The following CYTH3 variants were observed in gnomAD, a reference collection of about 807,000 sequenced individuals.
CYTH3 encodes cytohesin 3, also known as cytohesin-3.
In CYTH3, 23 loss-of-function variants were observed where a neutral mutation model predicts 55.1. That is an observed-to-expected ratio of 0.42 (90% CI 0.30 to 0.59). The LOEUF (loss-of-function observed/expected upper bound fraction) is 0.59, where lower values mean the gene tolerates loss of function less well. Among genes scored for constraint, CYTH3 ranks in the 20% least tolerant of loss-of-function variants. The pLI is 0.20. For missense variants in CYTH3, 413 were observed against 524.8 expected, an observed-to-expected ratio of 0.79 and a Z score of 2.08; for synonymous variants, 249 against 194.9, an observed-to-expected ratio of 1.28 and a Z score of -2.31.
chr7:6,211,464 A>T (rs900445052), intron 1 of CYTH3, among the ~76,000 whole-genome samples: 5 of 152,144 alleles, frequency 3.3e-5, no homozygotes, highest in Non-Finnish European at 7.3e-5. Context: ...TTCTCATTTC[A>T]AAAACTTTAA....
intron 5 of CYTH3, among the ~76,000 whole-genome samples, chr7:6,177,455 C>A (rs986568769): frequency 1.3e-5 from 2 of 152,182 alleles, no homozygotes; most frequent in Non-Finnish European, 2.9e-5. Flanking sequence ...CTGCAAGTAA[C>A]AGGAGAAAGA....
At chr7:6,199,919 T>G (rs973359772) in intron 1 of CYTH3, among the ~76,000 whole-genome samples, 2 of 152,188 alleles carry the variant, frequency 1.3e-5, no homozygotes, top group African/African-American at 4.8e-5. Flanking sequence ...CATTTGATGG[T>G]AGACTGAGAA....
intron 5 of CYTH3, among the ~76,000 whole-genome samples, chr7:6,176,075 C>A (rs1433056516): frequency 6.6e-6 from 1 of 151,836 alleles, no homozygotes; most frequent in Non-Finnish European, 1.5e-5. Flanking sequence ...GGATGCTTTT[C>A]CATTTATTTA....
chr7:6,270,140 T>C (rs1780614097), intron 1 of CYTH3, among the ~76,000 whole-genome samples: 1 of 152,238 alleles, frequency 6.6e-6, no homozygotes, highest in African/African-American at 2.4e-5. Flanking sequence ...TAAAGAGGTA[T>C]GTTAACTTCA....
chr7:6,164,787 G>A lies in CYTH3; in HGVS notation c.*157C>T, dbSNP rs899759741. The A allele has an allele frequency of 2.9e-5, 23 of 799,564 alleles. No homozygotes were observed. Among genetic ancestry groups the A allele is most frequent in the Non-Finnish European group, 4.6e-5 (22 of 480,002 alleles). The allele number at this position is 799,564 out of a possible 1,614,324, so 49.5% of individuals were successfully genotyped here. A position where few individuals can be genotyped will look rare whatever the true frequency, so the allele number is the denominator to read the frequency against. ...CCTCCCAGGACCCCAGCCACGGCAC[G>A]AGGCCTTGGGGATACCACCTGGGCC... On this transcript the variant is annotated 3_prime_UTR_variant, in exon 13 of 13. Coordinates refer to ENST00000350796, the MANE Select transcript of CYTH3 (RefSeq NM_004227.4).
chr7:6,184,123 G>A (rs1783577511), intron 4 of CYTH3, among the ~76,000 whole-genome samples: 1 of 134,290 alleles, frequency 7.4e-6, no homozygotes, highest in African/African-American at 3.0e-5. Flanking sequence ...TGCAGGGGCG[G>A]AATCTCGGCT....
chr7:6,195,307 G>C (rs893839937), intron 1 of CYTH3, among the ~76,000 whole-genome samples: 1 of 152,160 alleles, frequency 6.6e-6, no homozygotes, highest in East Asian at 1.9e-4. Flanking sequence ...ATTTTCTTCA[G>C]GTCTTTCTTA....
chr7:6,168,081 G>A (rs1440807287), intron 9 of CYTH3, among the ~76,000 whole-genome samples: 3 of 152,186 alleles, frequency 2.0e-5, no homozygotes, highest in East Asian at 3.8e-4. Flanking sequence ...CCTGGCTTCT[G>A]GAACCTGCAG....
intron 1 of CYTH3, 64 bp downstream of exon 1, chr7:6,272,410 G>GGGGGGGGGGCCCCC: frequency 4.1e-6 from 5 of 1,216,608 alleles, no homozygotes; most frequent in Non-Finnish European, 5.3e-6. Flanking sequence ...CCGCGCCCTC[G>GGGGGGGGGGCCCCC]ACCCCCAGCC....
chr7:6,198,251 T>C (rs769523631), intron 1 of CYTH3, among the ~76,000 whole-genome samples: 1 of 152,210 alleles, frequency 6.6e-6, no homozygotes, highest in Non-Finnish European at 1.5e-5. Context: ...CATAGGAGTA[T>C]GTGATAAAGT....
chr7:6,259,830 ATATTTTTTT>A (rs1382036855), intron 1 of CYTH3, among the ~76,000 whole-genome samples: 1 of 20,262 alleles, frequency 4.9e-5, no homozygotes, highest in African/African-American at 4.0e-4. Flanking sequence ...ATATATATAT[ATATTTTTTT>A]TTTTTTTTAA....
intron 1 of CYTH3, among the ~76,000 whole-genome samples, chr7:6,216,232 T>C (rs7800777): frequency 0.012 from 1,812 of 152,108 alleles, 21 homozygotes; most frequent in Non-Finnish European, 0.017. Context: ...TCAATATATA[T>C]GGAAGAAATA....
At chr7:6,211,295 G>A (rs1784314036) in intron 1 of CYTH3, among the ~76,000 whole-genome samples, 2 of 152,218 alleles carry the variant, frequency 1.3e-5, no homozygotes, top group South Asian at 4.1e-4. Flanking sequence ...TATCAGACAT[G>A]GCTGTTGTAT....
At chr7:6,222,690 T>C (rs1333065850) in intron 1 of CYTH3, among the ~76,000 whole-genome samples, 1 of 148,966 alleles carries the variant, frequency 6.7e-6, no homozygotes, top group Non-Finnish European at 1.5e-5. Flanking sequence ...GAGGTTGCGG[T>C]GAGCTGAGAT....
chr7:6,165,409 T>C lies in CYTH3; in HGVS notation c.991A>G (p.Asn331Asp), dbSNP rs1782966605. ...PRKPNCFELYNPSHKGQVIKA... is the reference protein window; with the variant it reads ...PRKPNCFELYDPSHKGQVIKA... Reference sequence around the variant, plus strand: ...ATGACCTGCCCTTTGTGGCTGGGATTGTAGAGCTCAAAACAGTTCTGGTGG... The same window carrying C: ...ATGACCTGCCCTTTGTGGCTGGGATCGTAGAGCTCAAAACAGTTCTGGTGG... The change falls in exon 12 of 13, where the codon AAT becomes GAT. Residue 331 changes from asparagine (N) to aspartate (D), a missense_variant. Transcript: ENST00000350796. 1 of 1,613,612 alleles carries C rather than the reference T, an allele frequency of 6.2e-7. No homozygotes were observed. The highest frequency in any genetic ancestry group is 8.5e-7 in the Non-Finnish European group (1 of 1,179,840).
intron 1 of CYTH3, among the ~76,000 whole-genome samples, chr7:6,206,023 T>C (rs1784180035): frequency 6.9e-6 from 1 of 145,444 alleles, no homozygotes; most frequent in Non-Finnish European, 1.5e-5. Context: ...ATTATTAAAA[T>C]AAAATCAAGT....
chr7:6,253,215 A>C (rs1033531515), intron 1 of CYTH3, among the ~76,000 whole-genome samples: 3 of 142,340 alleles, frequency 2.1e-5, no homozygotes, highest in Non-Finnish European at 3.0e-5. Context: ...TCACGAAAAC[A>C]ATTTTTTTTT....
intron 1 of CYTH3, among the ~76,000 whole-genome samples, chr7:6,251,077 C>T (rs1422880929): frequency 6.6e-6 from 1 of 152,200 alleles, no homozygotes; most frequent in Non-Finnish European, 1.5e-5. Flanking sequence ...GAGTTCAAGA[C>T]CAGCCTGGCC....
intron 1 of CYTH3, among the ~76,000 whole-genome samples, chr7:6,240,096 A>C (rs1293865724): frequency 6.6e-6 from 1 of 152,144 alleles, no homozygotes; most frequent in African/African-American, 2.4e-5. Flanking sequence ...GCGTGAGGTC[A>C]GGAGTTCGAG....
Sources: allele counts gnomAD v4.1 joint callset (sites outside exome capture counted in the v4.1 genomes callset), GRCh38; gene constraint gnomAD v4.1.1; transcripts MANE v1.5; gene names NCBI Gene and HGNC (gene_info 2026-07-23, HGNC 2026-07-21).